Variants in EPSTI1 observed in about 807,000 individuals in gnomAD.
EPSTI1 encodes epithelial stromal interaction 1.
Under a neutral mutation model 49.9 loss-of-function variants are expected in EPSTI1, and 66 were observed. The observed-to-expected ratio is 1.32, with a 90% confidence interval of 1.08 to 1.62. The LOEUF is 1.62. Ranked by LOEUF, EPSTI1 falls within the 40% of genes most tolerant of loss-of-function variation. The probability of loss-of-function intolerance (pLI) is 0.00; values close to 1 mark genes in which losing one functional copy is unlikely to be tolerated. For missense variants in EPSTI1, 394 were observed against 365.5 expected, an observed-to-expected ratio of 1.08 and a Z score of -0.64; for synonymous variants, 137 against 130.7, an observed-to-expected ratio of 1.05 and a Z score of -0.33.
chr13:42,990,448 C>A (rs769453568), intron 1 of EPSTI1, among the ~76,000 whole-genome samples: 3 of 152,080 alleles, frequency 2.0e-5, no homozygotes, highest in Non-Finnish European at 4.4e-5. Flanking sequence ...ATGGTTGTAT[C>A]TAAATAAATG....
At chr13:42,919,249 C>T in intron 7 of EPSTI1, 1 of 1,574,642 alleles carries the variant, frequency 6.4e-7, no homozygotes, top group Non-Finnish European at 8.7e-7. Context: ...AGTCACATGG[C>T]ATCCAAACTT....
intron 4 of EPSTI1, 33 bp downstream of exon 4, chr13:42,964,032 TA>T: frequency 6.3e-7 from 1 of 1,584,276 alleles, no homozygotes; most frequent in Non-Finnish European, 8.6e-7. Flanking sequence ...TCATATTCCT[TA>T]CCAAAATTCA....
chr13:42,905,203 A>T (rs1159006652), intron 8 of EPSTI1, among the ~76,000 whole-genome samples: 1 of 152,160 alleles, frequency 6.6e-6, no homozygotes, highest in Non-Finnish European at 1.5e-5. Context: ...ACATCATCCT[A>T]TTACGGAGGC....
At chr13:42,921,868 A>G (rs2038008917) in intron 7 of EPSTI1, among the ~76,000 whole-genome samples, 2 of 72,516 alleles carry the variant, frequency 2.8e-5, no homozygotes, top group Admixed American at 2.7e-4. Flanking sequence ...GAGGGAGAGA[A>G]AAAAAAAAAT....
rs1474839895 is a variant in EPSTI1, at chr13:42,992,202, C to T, written c.-37G>A. On this transcript the variant is annotated 5_prime_UTR_variant, in exon 1 of 11. Transcript: ENST00000313624. ...CGCGGGTCCCGGGCCGCCGTCGCTG[C>T]GGGAGGGATGCGGCTGGGACGCTTA... The T allele has an allele frequency of 1.3e-6, 2 of 1,503,784 alleles. No homozygotes were observed. Among genetic ancestry groups the T allele is most frequent in the Non-Finnish European group, 1.8e-6 (2 of 1,126,448 alleles). The allele number at this position is 1,503,784 out of a possible 1,614,324, so 93.2% of individuals were successfully genotyped here. A position where few individuals can be genotyped will look rare whatever the true frequency, so the allele number is the denominator to read the frequency against.
chr13:42,983,500 T>C (rs1186833493), intron 1 of EPSTI1, among the ~76,000 whole-genome samples: 3 of 138,992 alleles, frequency 2.2e-5, no homozygotes, highest in Admixed American at 1.6e-4. Context: ...GGAGGCGGAG[T>C]TTGCAGTGAG....
rs995646641 is a variant in EPSTI1, at chr13:42,923,173, T to A, written c.657+3163A>T. Reference sequence around the variant, plus strand: ...TTGTGCCTAAGCTAAGACATTTTGATTTTATCCTTGAAGATATGGGGGACC... The same window carrying A: ...TTGTGCCTAAGCTAAGACATTTTGAATTTATCCTTGAAGATATGGGGGACC... On this transcript the variant is annotated intron_variant, in intron 7 of 10. Coordinates refer to ENST00000313624, the MANE Select transcript of EPSTI1 (RefSeq NM_033255.5). 2.0e-5 allele frequency among the ~76,000 whole-genome samples: 3 copies of A among 152,190 alleles called. No homozygotes were observed. In the East Asian group the frequency reaches 5.8e-4, roughly 29 times the overall value.
At chr13:42,932,035 G>A (rs1404017638) in intron 6 of EPSTI1, among the ~76,000 whole-genome samples, 2 of 152,080 alleles carry the variant, frequency 1.3e-5, no homozygotes, top group Admixed American at 6.5e-5. Context: ...GACCTCCTGG[G>A]TTCAAGTGAT....
chr13:42,904,304 AG>A (rs1594620298), intron 8 of EPSTI1, among the ~76,000 whole-genome samples: 1 of 152,234 alleles, frequency 6.6e-6, no homozygotes, highest in African/African-American at 2.4e-5. Flanking sequence ...GGATAGGAAC[AG>A]GCAGTTCACA....
At chr13:42,980,324 G>A (rs78338950) in intron 1 of EPSTI1, among the ~76,000 whole-genome samples, 28,529 of 152,060 alleles carry the variant, frequency 0.19, 3,133 homozygotes, top group Non-Finnish European at 0.26. Flanking sequence ...AGAAATCAAA[G>A]GGCATTGTAT....
rs112667067 is a variant in EPSTI1 at position 42,953,872 on chromosome 13, T to C, written c.563+76A>G. On this transcript the variant is annotated intron_variant, in intron 6 of 10. Transcript: ENST00000313624. The stretch of plus-strand genomic sequence containing the variant: ...ATCCAATACCAGGTGTTTTGACAAG[T>C]TAGCATCACCTGAATTTAAAACCTC... 1.8e-4 allele frequency: 212 copies of C among 1,172,074 alleles called. 1 individual carries two copies. In the African/African-American group the frequency reaches 2.9e-3, roughly 16 times the overall value. 72.6% of individuals were successfully genotyped at this position (1,172,074 alleles called of 1,614,324 possible).
rs191586214 is a variant in EPSTI1, at chr13:42,971,333, T to G, written c.189-663A>C. ...TTTGAGGGCAGAGAGTGTGCTTGAT[T>G]GATGTGTATTCCAAGCCCCTGGCAC... On this transcript the variant is annotated intron_variant, in intron 1 of 10. Coordinates refer to ENST00000313624, the MANE Select transcript of EPSTI1 (RefSeq NM_033255.5). Among the ~76,000 whole-genome samples the G allele has an allele frequency of 2.2e-3, 340 of 152,298 alleles. 2 individuals carry two copies. Among genetic ancestry groups the G allele is most frequent in the African/African-American group, 7.3e-3 (305 of 41,572 alleles).
At chr13:42,930,396 G>T (rs2038322528) in intron 6 of EPSTI1, among the ~76,000 whole-genome samples, 1 of 152,114 alleles carries the variant, frequency 6.6e-6, no homozygotes, top group Non-Finnish European at 1.5e-5. Flanking sequence ...GTATTATTTT[G>T]CTTAAGTCAG....
At chr13:42,901,540 G>A (rs965957641) in intron 8 of EPSTI1, among the ~76,000 whole-genome samples, 4 of 152,044 alleles carry the variant, frequency 2.6e-5, no homozygotes, top group Admixed American at 6.6e-5. Flanking sequence ...ATAAGCATTT[G>A]TTATACACCT....
At chr13:42,906,910 T>C (rs74921410) in intron 8 of EPSTI1, among the ~76,000 whole-genome samples, 1,585 of 152,290 alleles carry the variant, frequency 0.01, 36 homozygotes, top group East Asian at 0.07. Flanking sequence ...TTGATACATA[T>C]GTATGTTGTA....
chr13:42,957,521 A>C (rs1051762951), intron 5 of EPSTI1, among the ~76,000 whole-genome samples: 2 of 152,212 alleles, frequency 1.3e-5, no homozygotes, highest in African/African-American at 4.8e-5. Flanking sequence ...GACATTCAGG[A>C]GGTGGAATTT....
chr13:42,895,609 T>C (rs1430772485), intron 9 of EPSTI1, among the ~76,000 whole-genome samples: 2 of 152,236 alleles, frequency 1.3e-5, no homozygotes, highest in African/African-American at 4.8e-5. Flanking sequence ...AAGGTGAGCT[T>C]ATATTATTCT....
At chr13:42,933,467 C>T (rs1472394946) in intron 6 of EPSTI1, among the ~76,000 whole-genome samples, 1 of 152,126 alleles carries the variant, frequency 6.6e-6, no homozygotes, top group Non-Finnish European at 1.5e-5. Context: ...AGCAGACATC[C>T]TGTTTGCTCC....
intron 3 of EPSTI1, 84 bp downstream of exon 3, chr13:42,969,010 C>CAG: frequency 7.6e-7 from 1 of 1,315,950 alleles, no homozygotes; most frequent in Non-Finnish European, 1.1e-6. Flanking sequence ...AATGGACATT[C>CAG]ACAGACAGAC....
Sources: allele counts gnomAD v4.1 joint callset (sites outside exome capture counted in the v4.1 genomes callset), GRCh38; gene constraint gnomAD v4.1.1; transcripts MANE v1.5; gene names NCBI Gene and HGNC (gene_info 2026-07-23, HGNC 2026-07-21).